Variants in NRG3 observed in about 807,000 individuals in gnomAD.
NRG3 encodes neuregulin 3, also known as pro-neuregulin-3, membrane-bound isoform.
Under a neutral mutation model 66.9 loss-of-function variants are expected in NRG3, and 31 were observed. The ratio of observed to expected loss-of-function variants is 0.46; its 90% CI spans 0.35 to 0.63. The LOEUF is 0.63. Ranked by LOEUF, NRG3 falls within the 20% of genes least tolerant of loss-of-function variation. The pLI is 0.00. For missense variants in NRG3, 910 were observed against 878.9 expected, an observed-to-expected ratio of 1.04 and a Z score of -0.45; for synonymous variants, 393 against 359.4, an observed-to-expected ratio of 1.09 and a Z score of -1.06.
At chr10:82,700,062 A>G (rs953166890) in intron 2 of NRG3, among the ~76,000 whole-genome samples, 14 of 152,176 alleles carry the variant, frequency 9.2e-5, no homozygotes, top group African/African-American at 3.4e-4. Flanking sequence ...ACAATTAGGG[A>G]TATGGTATTT....
Position 81,949,132 on chromosome 10 carries a change from C to T in NRG3, c.823+72969C>T, listed in dbSNP as rs114033420. Among the ~76,000 whole-genome samples, 1,383 of 152,212 alleles carry T rather than the reference C, an allele frequency of 9.1e-3. 23 individuals are homozygous for T. Among genetic ancestry groups the T allele is most frequent in the African/African-American group, 0.032 (1,327 of 41,518 alleles). On this transcript the variant is annotated intron_variant, in intron 1 of 8. Transcript: ENST00000372141. ...TCCATCACATTGACATAGTCGACCA[C>T]CCACATGGCAGATCTCAGGCTCCTG... is the stretch of plus-strand genomic sequence containing the variant.
intron 2 of NRG3, among the ~76,000 whole-genome samples, chr10:82,647,872 T>G (rs2051075400): frequency 6.7e-6 from 1 of 149,400 alleles, no homozygotes; most frequent in African/African-American, 2.5e-5. Flanking sequence ...TCTTGTAAAT[T>G]TGTTTGAGTT....
chr10:82,115,663 G>A (rs2067664973), intron 1 of NRG3, among the ~76,000 whole-genome samples: 1 of 152,086 alleles, frequency 6.6e-6, no homozygotes. Flanking sequence ...AAATCCAGAA[G>A]GGGAAACTGA....
At position 82,335,286 on chromosome 10, in the gene NRG3, AG is replaced by A. The variant is rs1435748118; in HGVS notation, c.824-23451del. On this transcript the variant is annotated intron_variant, in intron 1 of 8. Transcript: ENST00000372141. The stretch of plus-strand genomic sequence containing the variant: ...AGGATATAACCAATGATGGCTCAGC[AG>A]GATATAGCCAATGATGGCTCAGCAG... Among the ~76,000 whole-genome samples, 4 of 152,328 alleles carry A rather than the reference AG, an allele frequency of 2.6e-5. No homozygotes were observed. In the East Asian group the frequency reaches 5.8e-4, roughly 22 times the overall value.
At chr10:82,061,872 A>AACACAC (rs71007292) in intron 1 of NRG3, among the ~76,000 whole-genome samples, 4 of 127,616 alleles carry the variant, frequency 3.1e-5, no homozygotes, top group African/African-American at 1.1e-4. Flanking sequence ...CACACACACA[A>AACACAC]ACACACACAC....
At chr10:82,207,712 G>A (rs993931080) in intron 1 of NRG3, among the ~76,000 whole-genome samples, 1 of 152,190 alleles carries the variant, frequency 6.6e-6, no homozygotes, top group Non-Finnish European at 1.5e-5. Context: ...GGGGAAGCGG[G>A]CATAGACCTT....
chr10:82,132,525 G>GATATATATATGATATATATATATCATAT (rs2068987964), intron 1 of NRG3, among the ~76,000 whole-genome samples: 4 of 54,766 alleles, frequency 7.3e-5, no homozygotes, highest in Non-Finnish European at 1.5e-4. Context: ...TGATATATAT[G>GATATATATATGATATATATATATCATAT]ATATATATAT....
intron 1 of NRG3, among the ~76,000 whole-genome samples, chr10:82,290,948 C>A (rs1460487366): frequency 6.6e-6 from 1 of 151,942 alleles, no homozygotes; most frequent in Non-Finnish European, 1.5e-5. Flanking sequence ...CAGCTGACTT[C>A]AAATAATTTT....
intron 1 of NRG3, among the ~76,000 whole-genome samples, chr10:82,252,248 CA>C (rs1469611885): frequency 6.6e-6 from 1 of 152,082 alleles, no homozygotes; most frequent in Non-Finnish European, 1.5e-5. Context: ...CAATTGGGTA[CA>C]AAAAATTTTT....
intron 1 of NRG3, among the ~76,000 whole-genome samples, chr10:82,311,941 G>A (rs1361651844): frequency 6.6e-6 from 1 of 152,094 alleles, no homozygotes; most frequent in Non-Finnish European, 1.5e-5. Flanking sequence ...AGAACATTCT[G>A]GCTCTATTAC....
chr10:82,740,867 G>A (rs2058393594), intron 3 of NRG3, among the ~76,000 whole-genome samples: 2 of 148,564 alleles, frequency 1.3e-5, no homozygotes, highest in Admixed American at 1.3e-4. Flanking sequence ...TCTCTGAAAT[G>A]TTTCTATTAA....
intron 1 of NRG3, among the ~76,000 whole-genome samples, chr10:82,013,526 A>G (rs2207777): frequency 0.97 from 147,436 of 152,266 alleles, 71,417 homozygotes; most frequent in East Asian, 1. Flanking sequence ...TTGTTCATTT[A>G]CATATGAATT....
At chr10:82,839,984 T>C (rs1292554717) in intron 3 of NRG3, among the ~76,000 whole-genome samples, 2 of 152,178 alleles carry the variant, frequency 1.3e-5, no homozygotes, top group African/African-American at 4.8e-5. Flanking sequence ...TATGCTACCT[T>C]CCTTCTTCAA....
intron 2 of NRG3, among the ~76,000 whole-genome samples, chr10:82,573,354 T>C (rs1379667772): frequency 6.6e-6 from 1 of 151,864 alleles, no homozygotes; most frequent in Non-Finnish European, 1.5e-5. Flanking sequence ...TTCAGATAAG[T>C]TTGTTTATCA....
At chr10:81,904,002 T>TG (rs1156414412) in intron 1 of NRG3, among the ~76,000 whole-genome samples, 10 of 148,264 alleles carry the variant, frequency 6.7e-5, no homozygotes, top group African/African-American at 2.2e-4. Context: ...ATATATTTTT[T>TG]TTTTTTGTTT....
chr10:82,351,721 C>T (rs771755864), intron 1 of NRG3, among the ~76,000 whole-genome samples: 12 of 152,286 alleles, frequency 7.9e-5, no homozygotes, highest in South Asian at 6.2e-4. Flanking sequence ...TAATCCAGAT[C>T]ATAATATTTC....
At chr10:82,204,449 A>C (rs1459790172) in intron 1 of NRG3, among the ~76,000 whole-genome samples, 2 of 152,182 alleles carry the variant, frequency 1.3e-5, no homozygotes, top group Admixed American at 1.3e-4. Context: ...GAGGACAACC[A>C]CTGTATATGA....
intron 2 of NRG3, among the ~76,000 whole-genome samples, chr10:82,515,205 A>G (rs1299831967): frequency 6.6e-6 from 1 of 152,066 alleles, no homozygotes; most frequent in Admixed American, 6.5e-5. Flanking sequence ...AAAGAAAAAA[A>G]CAAACAATGT....
chr10:82,703,286 C>T (rs1286802758), intron 2 of NRG3, among the ~76,000 whole-genome samples: 1 of 152,062 alleles, frequency 6.6e-6, no homozygotes, highest in East Asian at 1.9e-4. Flanking sequence ...CTCCTTAGAC[C>T]TTCACCATAT....
Sources: gnomAD v4.1 joint callset for allele counts (sites outside exome capture counted in the v4.1 genomes callset) on GRCh38, gnomAD v4.1.1 for gene constraint, MANE v1.5 for transcripts, NCBI Gene and HGNC (gene_info 2026-07-23, HGNC 2026-07-21) for gene names.